THADA: variants seen among roughly 807,000 people sequenced by gnomAD.
The protein encoded by THADA is tRNA (32-2'-O)-methyltransferase regulator THADA.
A neutral mutation model predicts 219.8 loss-of-function variants in THADA; 213 were observed. The ratio of observed to expected loss-of-function variants is 0.97; its 90% CI spans 0.87 to 1.09. THADA has a LOEUF of 1.09. Ranked by LOEUF, THADA falls within the 50% of genes least tolerant of loss-of-function variation. The pLI is 0.00. For missense variants in THADA, 2,956 were observed against 2,311.3 expected (o/e 1.28, Z -5.72); for synonymous variants, 1,018 against 828.9 (o/e 1.23, Z -3.92).
intron 26 of THADA, among the ~76,000 whole-genome samples, chr2:43,468,208 A>T (rs983631725): frequency 6.6e-6 from 1 of 152,204 alleles, no homozygotes; most frequent in Non-Finnish European, 1.5e-5. Context: ...CTTTTTGAGA[A>T]TGCTTGGTGT....
chr2:43,241,093 T>A (rs998473703), intron 36 of THADA, among the ~76,000 whole-genome samples: 1 of 152,074 alleles, frequency 6.6e-6, no homozygotes, highest in African/African-American at 2.4e-5. Flanking sequence ...CTTCCTTTTT[T>A]TTATGTTTAT....
At chr2:43,536,593 G>A (rs1192790117) in intron 21 of THADA, among the ~76,000 whole-genome samples, 6 of 151,926 alleles carry the variant, frequency 3.9e-5, no homozygotes, top group African/African-American at 1.2e-4. Flanking sequence ...CATGTTTTAT[G>A]GACTCACAGG....
intron 31 of THADA, among the ~76,000 whole-genome samples, chr2:43,310,234 C>CG (rs1012939790): frequency 1.2e-4 from 15 of 129,292 alleles, no homozygotes; most frequent in Admixed American, 7.2e-4. Flanking sequence ...CCGCCCCCCC[C>CG]CCAAACAAGC....
chr2:43,235,949 G>A (rs1346775256), intron 36 of THADA, among the ~76,000 whole-genome samples: 1 of 152,098 alleles, frequency 6.6e-6, no homozygotes, highest in African/African-American at 2.4e-5. Context: ...TGGGATTACA[G>A]GCACCCGCCA....
intron 35 of THADA, among the ~76,000 whole-genome samples, 182 bp from the exon 36 acceptor site, chr2:43,280,078 G>A (rs1319228047): frequency 6.6e-6 from 1 of 152,122 alleles, no homozygotes; most frequent in Non-Finnish European, 1.5e-5. Flanking sequence ...GACTCCTAAG[G>A]GAGCAGATTT....
intron 29 of THADA, among the ~76,000 whole-genome samples, chr2:43,371,338 A>G (rs902261624): frequency 1.3e-5 from 2 of 152,220 alleles, no homozygotes; most frequent in African/African-American, 4.8e-5. Context: ...TGAAATGTAT[A>G]GCTTGATGAG....
intron 31 of THADA, among the ~76,000 whole-genome samples, chr2:43,308,303 G>A (rs370104389): frequency 6.6e-6 from 1 of 152,166 alleles, no homozygotes; most frequent in Non-Finnish European, 1.5e-5. Context: ...AAAAAAGAAT[G>A]AGCATCAGCG....
At chr2:43,484,360 A>G (rs752976330) in intron 26 of THADA, 5 of 169,190 alleles carry the variant, frequency 3.0e-5, no homozygotes, top group African/African-American at 2.4e-5. Context: ...AAACTTAAAT[A>G]TGAAGCATAA....
Position 43,441,365 on chromosome 2 carries a change from C to T in THADA, c.3837-11063G>A, listed in dbSNP as rs545674492. Among the ~76,000 whole-genome samples the T allele has an allele frequency of 7.9e-5, 12 of 152,308 alleles. No homozygotes were observed. The South Asian group carries it at 2.5e-3, about 32-fold the overall frequency. ...CCATGTACTCGCCAGGGAGCATCAT[C>T]TCAACTCTGCATTAGCCAAAAGCTA... On this transcript the variant is annotated intron_variant, in intron 26 of 37. Coordinates refer to ENST00000405975, the MANE Select transcript of THADA (RefSeq NM_022065.5).
chr2:43,507,329 T>C (rs1689802664), intron 23 of THADA, among the ~76,000 whole-genome samples: 1 of 152,170 alleles, frequency 6.6e-6, no homozygotes, highest in Non-Finnish European at 1.5e-5. Context: ...TGACCAATAC[T>C]TAGTATAAGT....
At chr2:43,509,168 G>T (rs189449610) in intron 22 of THADA, among the ~76,000 whole-genome samples, 218 of 152,192 alleles carry the variant, frequency 1.4e-3, no homozygotes, top group African/African-American at 5.0e-3. Context: ...TGTTTATAGG[G>T]ATTACACATA....
chr2:43,320,305 T>C (rs1678549033), intron 31 of THADA, 141 bp downstream of exon 31: 1 of 594,476 alleles, frequency 1.7e-6, no homozygotes, highest in African/African-American at 1.9e-5. Flanking sequence ...GAGGGAACTA[T>C]ATGACACTGT....
intron 35 of THADA, among the ~76,000 whole-genome samples, chr2:43,282,977 T>A (rs534378317): frequency 3.7e-4 from 57 of 152,320 alleles, no homozygotes; most frequent in African/African-American, 1.3e-3. Flanking sequence ...GATTCACAAA[T>A]CTCATGTTGA....
In THADA at chr2:43,554,190, G is replaced by A. The variant is rs556496038; in HGVS notation, c.2675-1851C>T. On this transcript the variant is annotated intron_variant, in intron 17 of 37. Coordinates refer to ENST00000405975, the MANE Select transcript of THADA (RefSeq NM_022065.5). ...CATAACTAACCATTGGTTAACCCAA[G>A]ATCACAATGACTGACATCTATGTTT... is the stretch of plus-strand genomic sequence containing the variant. 7.7e-4 allele frequency among the ~76,000 whole-genome samples: 117 copies of A among 152,260 alleles called. 1 individual carries two copies. In the South Asian group the frequency reaches 8.1e-3, roughly 11 times the overall value.
At chr2:43,306,984 T>C (rs1288274883) in intron 31 of THADA, among the ~76,000 whole-genome samples, 1 of 152,232 alleles carries the variant, frequency 6.6e-6, no homozygotes, top group Admixed American at 6.5e-5. Context: ...ATGCCCACTT[T>C]ACAGTTGAAG....
At chr2:43,563,177 CA>C (rs1465696708) in intron 15 of THADA, 3 of 152,194 alleles carry the variant, frequency 2.0e-5, no homozygotes, top group Non-Finnish European at 4.4e-5. Context: ...TTAATGTAGG[CA>C]TTTACAGCTA....
intron 37 of THADA, 92 bp downstream of exon 37, chr2:43,232,621 T>A: frequency 7.2e-7 from 1 of 1,389,862 alleles, no homozygotes; most frequent in Non-Finnish European, 9.9e-7. Flanking sequence ...TGTCTAAGCA[T>A]GCAAAAGCCC....
At chr2:43,247,590 G>A (rs1346290772) in intron 36 of THADA, among the ~76,000 whole-genome samples, 10 of 151,862 alleles carry the variant, frequency 6.6e-5, no homozygotes, top group Non-Finnish European at 1.5e-5. Context: ...TCAGCTGGGA[G>A]TATTGGCAGG....
chr2:43,558,224 A>G lies in THADA; in HGVS notation c.2464-1669T>C, dbSNP rs573103038. 2.0e-5 allele frequency among the ~76,000 whole-genome samples: 3 copies of G among 152,344 alleles called. No individual in the cohort carries two copies. In the East Asian group the frequency reaches 5.8e-4, roughly 29 times the overall value. On this transcript the variant is annotated intron_variant, in intron 16 of 37. Coordinates refer to ENST00000405975, the MANE Select transcript of THADA (RefSeq NM_022065.5). ...TAGGATAGTCAAGCTATTTATGAGAAAAATATGCCGTCAACAATACGTATG... is the reference window on the plus strand; with the variant it reads ...TAGGATAGTCAAGCTATTTATGAGAGAAATATGCCGTCAACAATACGTATG...
Sources: allele counts gnomAD v4.1 joint callset (sites outside exome capture counted in the v4.1 genomes callset), GRCh38; gene constraint gnomAD v4.1.1; transcripts MANE v1.5; gene names NCBI Gene and HGNC (gene_info 2026-07-23, HGNC 2026-07-21).